The following ADGRB1 variants were observed in gnomAD, a reference collection of about 807,000 sequenced individuals.
The protein encoded by ADGRB1 is brain-specific angiogenesis inhibitor 1.
In ADGRB1, 36 loss-of-function variants were observed where a neutral mutation model predicts 175.7. That is an observed-to-expected ratio of 0.20 (90% CI 0.16 to 0.27). ADGRB1 has a LOEUF of 0.27. ADGRB1 is among the 10% of genes least tolerant of loss of function. ADGRB1 has a pLI of 1.00. For missense variants in ADGRB1, 1,731 were observed against 2,255.3 expected, an observed-to-expected ratio of 0.77 and a Z score of 4.71; for synonymous variants, 1,054 against 979.4, an observed-to-expected ratio of 1.08 and a Z score of -1.42.
In ADGRB1 at chr8:142,476,712, G is replaced by T. The variant is rs745371184; in HGVS notation, c.1057+17G>T. On this transcript the variant is annotated intron_variant, in intron 4 of 30. Coordinates refer to ENST00000517894, the MANE Select transcript of ADGRB1 (RefSeq NM_001702.3). ...CCCAGACCGGTGAGCTGGCGGGAGG[G>T]GGGTGGGTGGGACTAGGGCTTTGGG... 1 of 1,538,412 alleles carries T rather than the reference G, an allele frequency of 6.5e-7. No individual in the cohort carries two copies. Among genetic ancestry groups the T allele is most frequent in the Non-Finnish European group, 8.8e-7 (1 of 1,139,662 alleles).
chr8:142,467,185 C>T (rs1426143603), intron 2 of ADGRB1, among the ~76,000 whole-genome samples: 1 of 152,214 alleles, frequency 6.6e-6, no homozygotes, highest in African/African-American at 2.4e-5. Flanking sequence ...GTAAGGTGGT[C>T]GGGCCTCCCG....
rs577294250 is a variant in ADGRB1 at position 142,526,761 on chromosome 8, C to T, written c.3398+134C>T. ...CAGGGACCCCGGAGCGGGTGGGAAA[C>T]GGAGGCACTGAGTACAGAGGCCCCT... On this transcript the variant is annotated intron_variant, in intron 24 of 30. Transcript: ENST00000517894. The T allele has an allele frequency of 1.0e-4, 88 of 883,332 alleles. 1 individual carries two copies. Among genetic ancestry groups the T allele is most frequent in the South Asian group, 6.0e-4 (39 of 64,886 alleles). The allele number at this position is 883,332 out of a possible 1,614,324, so 54.7% of individuals were successfully genotyped here. A position where few individuals can be genotyped will look rare whatever the true frequency, so the allele number is the denominator to read the frequency against.
intron 17 of ADGRB1, among the ~76,000 whole-genome samples, chr8:142,496,571 TA>T (rs2131925442): frequency 6.6e-6 from 1 of 152,342 alleles, no homozygotes; most frequent in South Asian, 2.1e-4. Context: ...GTTTTACACG[TA>T]AGAGTTGCAA....
chr8:142,493,222 C>T lies in ADGRB1; in HGVS notation c.2675+2407C>T, dbSNP rs115770729. 2.0e-3 allele frequency among the ~76,000 whole-genome samples: 297 copies of T among 152,152 alleles called. No homozygotes were observed. The highest frequency in any genetic ancestry group is 6.8e-3 in the African/African-American group (282 of 41,508). ...GCTGTGAGGGGCCTGTCCAGTGAGCCGGGACAAGGACACTGCCCCAGGGAC... is the reference window on the plus strand; with the variant it reads ...GCTGTGAGGGGCCTGTCCAGTGAGCTGGGACAAGGACACTGCCCCAGGGAC... On this transcript the variant is annotated intron_variant, in intron 17 of 30. Coordinates refer to ENST00000517894, the MANE Select transcript of ADGRB1 (RefSeq NM_001702.3). This position sits in a 1 kb window ranked among gnomAD's most constrained non-coding sequence, Gnocchi z 5.0.
chr8:142,522,298 A>G (rs555296653), intron 21 of ADGRB1, among the ~76,000 whole-genome samples, 183 bp downstream of exon 21: 19 of 152,138 alleles, frequency 1.2e-4, no homozygotes, highest in African/African-American at 4.6e-4. Flanking sequence ...AGCACAGGAC[A>G]CCCAGTTCTC....
rs1346983315 is a variant in ADGRB1 at position 142,542,065 on chromosome 8, C to T, written c.3831C>T (p.Asn1277=). 3.7e-6 allele frequency: 6 copies of T among 1,612,854 alleles called. No individual in the cohort carries two copies. Among genetic ancestry groups the T allele is most frequent in the Non-Finnish European group, 5.1e-6 (6 of 1,179,782 alleles). ...CCAAGGGGCCGCCCACCAATTTCAACAGCCTGCCGGCCAACGTGTCCAAGC... is the reference window on the plus strand; with the variant it reads ...CCAAGGGGCCGCCCACCAATTTCAATAGCCTGCCGGCCAACGTGTCCAAGC... ...AHAKGPPTNF[N]SLPANVSKLH... The change falls in exon 28 of 31, where the codon AAC becomes AAT. Residue 1277 remains asparagine, a synonymous_variant. Coordinates refer to ENST00000517894, the MANE Select transcript of ADGRB1 (RefSeq NM_001702.3). This position sits in a 1 kb window ranked among gnomAD's most constrained non-coding sequence, Gnocchi z 6.3.
At chr8:142,536,862 T>TCCCCACAGGGCCA in intron 25 of ADGRB1, 125 bp from the exon 26 acceptor site, 1 of 713,030 alleles carries the variant, frequency 1.4e-6, no homozygotes, top group Non-Finnish European at 2.2e-6. Context: ...TGGGGAGGCC[T>TCCCCACAGGGCCA]CCTGCTGACC....
chr8:142,473,660 C>A (rs1384585674), intron 2 of ADGRB1, among the ~76,000 whole-genome samples: 1 of 152,244 alleles, frequency 6.6e-6, no homozygotes, highest in African/African-American at 2.4e-5. Flanking sequence ...CTGCTGTGCA[C>A]CCTCAGCCAG....
rs927932881 is a variant in ADGRB1 at position 142,504,313 on chromosome 8, G to C, written c.2676-6619G>C. Among the ~76,000 whole-genome samples the C allele has an allele frequency of 6.6e-6, 1 of 152,178 alleles. No individual in the cohort carries two copies. The highest frequency in any genetic ancestry group is 1.5e-5 in the Non-Finnish European group (1 of 68,018). On this transcript the variant is annotated intron_variant, in intron 17 of 30. Coordinates refer to ENST00000517894, the MANE Select transcript of ADGRB1 (RefSeq NM_001702.3). This position sits in a 1 kb window ranked among gnomAD's most constrained non-coding sequence, Gnocchi z 5.6. ...GGGGGAGGCTAATCACACAGGATGCGGGGCCTGTGGCCAGGGGACCAGCCA... is the reference window on the plus strand; with the variant it reads ...GGGGGAGGCTAATCACACAGGATGCCGGGCCTGTGGCCAGGGGACCAGCCA...
At chr8:142,488,002 G>C (rs1841771033) in intron 13 of ADGRB1, among the ~76,000 whole-genome samples, 1 of 152,146 alleles carries the variant, frequency 6.6e-6, no homozygotes, top group South Asian at 2.1e-4. Context: ...GAGGTGCCTG[G>C]TGCCTGCGGA....
rs1293016497 is a variant in ADGRB1, at chr8:142,504,536, T to C, written c.2676-6396T>C. On this transcript the variant is annotated intron_variant, in intron 17 of 30. Transcript: ENST00000517894. This position sits in a 1 kb window ranked among gnomAD's most constrained non-coding sequence, Gnocchi z 5.6. ...CAGGGAGGGGAGCCCAGCACAGCGG[T>C]GGGGAAGGGTCTGGCTGAGGGTCAG... 6.6e-6 allele frequency among the ~76,000 whole-genome samples: 1 copy of C among 151,458 alleles called. No homozygotes were observed. Among genetic ancestry groups the C allele is most frequent in the African/African-American group, 2.4e-5 (1 of 41,200 alleles).
chr8:142,503,449 A>C (rs1351084803), intron 17 of ADGRB1, among the ~76,000 whole-genome samples: 1 of 152,070 alleles, frequency 6.6e-6, no homozygotes, highest in African/African-American at 2.4e-5. Flanking sequence ...TGACCTTGCC[A>C]CTGGGTACCA....
At position 142,464,390 on chromosome 8, in the gene ADGRB1, C is replaced by G. The variant is rs778552098; in HGVS notation, c.192C>G (p.Asn64Lys). 1 of 1,527,526 alleles carries G rather than the reference C, an allele frequency of 6.5e-7. No individual in the cohort carries two copies. The highest frequency in any genetic ancestry group is 8.8e-7 in the Non-Finnish European group (1 of 1,141,036). The allele number at this position is 1,527,526 out of a possible 1,614,324, so 94.6% of individuals were successfully genotyped here. Reference protein sequence around the residue: ...YFSAAAVFPANASRCSWTLRN... With the variant: ...YFSAAAVFPAKASRCSWTLRN... ...CCGCGGCCGCCGTGTTCCCGGCCAACGCCTCGCGCTGCTCCTGGACGCTAC... is the reference window on the plus strand; with the variant it reads ...CCGCGGCCGCCGTGTTCCCGGCCAAGGCCTCGCGCTGCTCCTGGACGCTAC... Residue 64 changes from asparagine (N) to lysine (K), a missense_variant, in exon 2 of 31, where the codon AAC becomes AAG. Transcript: ENST00000517894.
At chr8:142,483,854 C>G (rs1297092623) in intron 11 of ADGRB1, 123 bp from the exon 12 acceptor site, 7 of 1,023,674 alleles carry the variant, frequency 6.8e-6, no homozygotes, top group Non-Finnish European at 1.1e-5. Flanking sequence ...CACACTGAGC[C>G]CTGATCCTGG....
Position 142,510,708 on chromosome 8 carries a change from G to A in ADGRB1, c.2676-224G>A, listed in dbSNP as rs2132037449. Among the ~76,000 whole-genome samples, 2 of 145,450 alleles carry A rather than the reference G, an allele frequency of 1.4e-5. No individual in the cohort carries two copies. Among genetic ancestry groups the A allele is most frequent in the South Asian group, 4.2e-4 (2 of 4,768 alleles). On this transcript the variant is annotated intron_variant, in intron 17 of 30. Coordinates refer to ENST00000517894, the MANE Select transcript of ADGRB1 (RefSeq NM_001702.3). This position sits in a 1 kb window ranked among gnomAD's most constrained non-coding sequence, Gnocchi z 6.3. ...GCGCTCCCTCGGGCTGCGCTCCGCG[G>A]CTCTCGGCGGCGGCGGCGGCGGGCG...
chr8:142,534,121 C>G (rs1844791939), intron 25 of ADGRB1, among the ~76,000 whole-genome samples: 1 of 152,220 alleles, frequency 6.6e-6, no homozygotes, highest in South Asian at 2.1e-4. Context: ...GAGAAGCCGA[C>G]AGCAGGGGAG....
rs1159815746 is a variant in ADGRB1 at position 142,543,971 on chromosome 8, G to A, written c.4558-249G>A. 6.6e-6 allele frequency among the ~76,000 whole-genome samples: 1 copy of A among 152,140 alleles called. No homozygotes were observed. Among genetic ancestry groups the A allele is most frequent in the African/African-American group, 2.4e-5 (1 of 41,432 alleles). On this transcript the variant is annotated intron_variant, in intron 30 of 30. Coordinates refer to ENST00000517894, the MANE Select transcript of ADGRB1 (RefSeq NM_001702.3). This position sits in a 1 kb window ranked among gnomAD's most constrained non-coding sequence, Gnocchi z 4.4. ...ATTGGGGTGGAGCCAATCCAGGGCA[G>A]GGTCCCCACAGCCTGACCCGACCGT...
In ADGRB1 at chr8:142,474,944, C is replaced by T. The variant is rs1048129192; in HGVS notation, c.785-530C>T. On this transcript the variant is annotated intron_variant, in intron 2 of 30. Transcript: ENST00000517894. The surrounding 1 kb of genome is among the most constrained non-coding windows in gnomAD (Gnocchi z 5.8). The stretch of plus-strand genomic sequence containing the variant: ...TGAGGCCTTGATCACCACTGGTATA[C>T]CTGCGTGGGGTGAAGAAGCGGCTCC... Among the ~76,000 whole-genome samples the T allele has an allele frequency of 6.6e-6, 1 of 152,116 alleles. No homozygotes were observed. The highest frequency in any genetic ancestry group is 1.5e-5 in the Non-Finnish European group (1 of 68,000).
rs187746906 is a variant in ADGRB1 at position 142,493,439 on chromosome 8, G to A, written c.2675+2624G>A. Among the ~76,000 whole-genome samples the A allele has an allele frequency of 1.6e-3, 237 of 152,234 alleles. No homozygotes were observed. Among genetic ancestry groups the A allele is most frequent in the African/African-American group, 5.4e-3 (225 of 41,546 alleles). On this transcript the variant is annotated intron_variant, in intron 17 of 30. Coordinates refer to ENST00000517894, the MANE Select transcript of ADGRB1 (RefSeq NM_001702.3). This position sits in a 1 kb window ranked among gnomAD's most constrained non-coding sequence, Gnocchi z 5.0. ...GTCGACCCTAAAAGTCACAGGTGTG[G>A]GGAAGGCCCAGGACCCGCCAGTCAC...
Sources: allele counts gnomAD v4.1 joint callset (sites outside exome capture counted in the v4.1 genomes callset), GRCh38; gene constraint gnomAD v4.1.1; non-coding constraint Gnocchi (gnomAD v3.1); transcripts MANE v1.5; gene names NCBI Gene and HGNC (gene_info 2026-07-23, HGNC 2026-07-21).